Variants in PLAC8 observed in about 807,000 individuals in gnomAD.
PLAC8 encodes the protein placenta associated 8, also known as placenta-specific gene 8 protein.
A neutral mutation model predicts 12.6 loss-of-function variants in PLAC8; 6 were observed. The ratio of observed to expected loss-of-function variants is 0.48; its 90% CI spans 0.26 to 0.94. The LOEUF is 0.94. Among genes scored for constraint, PLAC8 ranks in the 40% least tolerant of loss-of-function variants. PLAC8 has a pLI of 0.14. For synonymous variants in PLAC8, 54 were observed against 52.6 expected (o/e 1.03, Z -0.11); for missense variants, 122 against 152.7 (o/e 0.80, Z 1.06).
At chr4:83,098,090 CT>C (rs1290657048) in intron 3 of PLAC8, among the ~76,000 whole-genome samples, 2 of 152,098 alleles carry the variant, frequency 1.3e-5, no homozygotes, top group Admixed American at 6.6e-5. Flanking sequence ...ATCTCCTGAC[CT>C]TGTGATCTGC....
At chr4:83,100,505 G>A (rs1007790559) in intron 3 of PLAC8, among the ~76,000 whole-genome samples, 3 of 64,330 alleles carry the variant, frequency 4.7e-5, no homozygotes, top group African/African-American at 7.3e-5. Context: ...ATAGCAATGC[G>A]AGAACCTTTT....
rs1362491004 is a variant in PLAC8, at chr4:83,094,681, C to T, written c.*6G>A. The T allele has an allele frequency of 6.5e-7, 1 of 1,540,376 alleles. No homozygotes were observed. The highest frequency in any genetic ancestry group is 8.9e-7 in the Non-Finnish European group (1 of 1,121,442). ...AGGCATGTTTGCATTGACTCACCAT[C>T]AGTTTTTAGAAAGTACGCATGGCTC... On this transcript the variant is annotated 3_prime_UTR_variant, in exon 4 of 5. Transcript: ENST00000311507.
chr4:83,106,436 G>A (rs1325881716), intron 2 of PLAC8, among the ~76,000 whole-genome samples: 2 of 151,842 alleles, frequency 1.3e-5, no homozygotes, highest in African/African-American at 4.8e-5. Context: ...TGCCCAACAC[G>A]ATGAAACCCC....
intron 4 of PLAC8, among the ~76,000 whole-genome samples, chr4:83,092,680 T>C (rs1048650654): frequency 2.0e-5 from 3 of 152,168 alleles, no homozygotes; most frequent in African/African-American, 7.2e-5. Context: ...TCGTTATTTT[T>C]CTACTTATGC....
chr4:83,111,752 C>T (rs1230141297), intron 1 of PLAC8, among the ~76,000 whole-genome samples: 1 of 152,124 alleles, frequency 6.6e-6, no homozygotes, highest in Non-Finnish European at 1.5e-5. Flanking sequence ...ATTGTTTTTC[C>T]TTTACCTGAC....
intron 2 of PLAC8, among the ~76,000 whole-genome samples, chr4:83,106,174 AT>A (rs1330692483): frequency 1.3e-4 from 20 of 151,736 alleles, no homozygotes; most frequent in East Asian, 3.9e-4. Flanking sequence ...TAATTTTTGT[AT>A]TTTTTAGTAG....
At chr4:83,111,822 T>C (rs1431830893) in intron 1 of PLAC8, among the ~76,000 whole-genome samples, 1 of 152,238 alleles carries the variant, frequency 6.6e-6, no homozygotes, top group Non-Finnish European at 1.5e-5. Flanking sequence ...ATGTTAGACT[T>C]CATAGCAGTT....
At chr4:83,110,982 G>A (rs1361123415) in intron 1 of PLAC8, among the ~76,000 whole-genome samples, 1 of 152,136 alleles carries the variant, frequency 6.6e-6, no homozygotes, top group African/African-American at 2.4e-5. Flanking sequence ...TTGTTGTTTT[G>A]TGATAAGGTC....
At chr4:83,092,704 C>T (rs1731833097) in intron 4 of PLAC8, among the ~76,000 whole-genome samples, 1 of 151,928 alleles carries the variant, frequency 6.6e-6, no homozygotes, top group African/African-American at 2.4e-5. Flanking sequence ...ATGTTCTAGC[C>T]AAGTTGGACC....
intron 4 of PLAC8, among the ~76,000 whole-genome samples, chr4:83,092,331 A>C (rs1052677369): frequency 6.6e-6 from 1 of 152,146 alleles, no homozygotes; most frequent in African/African-American, 2.4e-5. Flanking sequence ...TTCTGGCCTC[A>C]TCCTGTACAA....
intron 3 of PLAC8, among the ~76,000 whole-genome samples, chr4:83,102,109 A>C (rs1578739870): frequency 6.6e-6 from 1 of 152,226 alleles, no homozygotes; most frequent in East Asian, 1.9e-4. Context: ...TTCAAGTCTT[A>C]TTATTTAAAA....
chr4:83,111,729 C>G (rs1200851769), intron 1 of PLAC8, among the ~76,000 whole-genome samples: 2 of 152,190 alleles, frequency 1.3e-5, no homozygotes, highest in African/African-American at 4.8e-5. Context: ...AAAAACCACC[C>G]TGCAATTATG....
intron 4 of PLAC8, chr4:83,093,006 A>C (rs1252910192): frequency 6.6e-6 from 1 of 151,918 alleles, no homozygotes; most frequent in Non-Finnish European, 1.5e-5. Context: ...CATGTTCCCC[A>C]GGCTGGTCTT....
intron 1 of PLAC8, among the ~76,000 whole-genome samples, chr4:83,110,731 A>G (rs1732405617): frequency 6.6e-6 from 1 of 152,232 alleles, no homozygotes; most frequent in Non-Finnish European, 1.5e-5. Context: ...ACAGGTGGGG[A>G]CCAGATCTTC....
chr4:83,091,143 T>C (rs1400090046), intron 4 of PLAC8, among the ~76,000 whole-genome samples, 172 bp from the exon 5 acceptor site: 1 of 152,198 alleles, frequency 6.6e-6, no homozygotes, highest in Non-Finnish European at 1.5e-5. Flanking sequence ...TACATTACCA[T>C]GGGAGGTTTG....
chr4:83,094,803 C>T lies in PLAC8; in HGVS notation c.244-12G>A, dbSNP rs1270895550. 2 of 1,461,872 alleles carry T rather than the reference C, an allele frequency of 1.4e-6. No homozygotes were observed. The highest frequency in any genetic ancestry group is 4.3e-5 in the Admixed American group (2 of 46,838). The allele number at this position is 1,461,872 out of a possible 1,614,324, so 90.6% of individuals were successfully genotyped here. ...TCACAAATAGATCCCTGTTTGAAAA[C>T]CAAAAAGAAATAAAAATATAAAATT... On this transcript the variant is annotated splice_polypyrimidine_tract_variant and intron_variant, in intron 3 of 4. Coordinates refer to ENST00000311507, the MANE Select transcript of PLAC8 (RefSeq NM_016619.3).
intron 3 of PLAC8, among the ~76,000 whole-genome samples, chr4:83,098,340 T>A (rs1731997710): frequency 6.6e-6 from 1 of 152,198 alleles, no homozygotes; most frequent in African/African-American, 2.4e-5. Flanking sequence ...AAAATCACAC[T>A]GCTGTGGGGC....
At chr4:83,098,127 G>C (rs1731990133) in intron 3 of PLAC8, among the ~76,000 whole-genome samples, 1 of 152,140 alleles carries the variant, frequency 6.6e-6, no homozygotes, top group Non-Finnish European at 1.5e-5. Context: ...AAAGTGCTGG[G>C]ATTACAGGCG....
At chr4:83,107,069 G>A (rs937453865) in intron 2 of PLAC8, among the ~76,000 whole-genome samples, 2 of 152,022 alleles carry the variant, frequency 1.3e-5, no homozygotes, top group Non-Finnish European at 2.9e-5. Context: ...GTGTGGTGAC[G>A]GGTGCCTGTA....
Sources: allele counts gnomAD v4.1 joint callset (sites outside exome capture counted in the v4.1 genomes callset), GRCh38; gene constraint gnomAD v4.1.1; transcripts MANE v1.5; gene names NCBI Gene and HGNC (gene_info 2026-07-23, HGNC 2026-07-21).